Variants in TARS3 observed in about 807,000 individuals in gnomAD.
TARS3 encodes the protein threonine--tRNA ligase 2, cytoplasmic.
In TARS3, 94 loss-of-function variants were observed where a neutral mutation model predicts 103.5. That is an observed-to-expected ratio of 0.91 (90% confidence interval 0.77 to 1.08). The LOEUF (loss-of-function observed/expected upper bound fraction) is 1.08. Ranked by LOEUF, TARS3 falls within the 50% of genes least tolerant of loss-of-function variation. The pLI, the probability that TARS3 is intolerant of heterozygous loss-of-function variation, is 0.00. For missense variants in TARS3, 952 were observed against 995.2 expected, an observed-to-expected ratio of 0.96 and a Z score of 0.58; for synonymous variants, 416 against 355.4, an observed-to-expected ratio of 1.17 and a Z score of -1.92.
chr15:101,664,925 AAC>A (rs1419558878), intron 15 of TARS3, among the ~76,000 whole-genome samples: 2 of 146,916 alleles, frequency 1.4e-5, no homozygotes, highest in African/African-American at 4.9e-5. Flanking sequence ...AAACACGAAC[AAC>A]AGAGATTGTA....
chr15:101,715,094 G>A (rs1257944251), intron 3 of TARS3, 131 bp from the exon 4 acceptor site: 1 of 733,820 alleles, frequency 1.4e-6, no homozygotes, highest in Non-Finnish European at 2.0e-6. Flanking sequence ...TAATAGGACA[G>A]ATATTTCTTG....
At chr15:101,690,566 C>T (rs1305616124) in intron 10 of TARS3, among the ~76,000 whole-genome samples, 1 of 152,162 alleles carries the variant, frequency 6.6e-6, no homozygotes, top group Non-Finnish European at 1.5e-5. Context: ...ATACACTATA[C>T]ATTTACTCTG....
At chr15:101,695,807 AG>A (rs1375641190) in intron 10 of TARS3, 1 of 152,520 alleles carries the variant, frequency 6.6e-6, no homozygotes, top group Non-Finnish European at 1.5e-5. Flanking sequence ...TGGGAGGCTG[AG>A]GCAGGAGAAT....
At chr15:101,695,020 T>C (rs1026708585) in intron 10 of TARS3, among the ~76,000 whole-genome samples, 2 of 152,342 alleles carry the variant, frequency 1.3e-5, no homozygotes, top group South Asian at 2.1e-4. Flanking sequence ...AGTTGCATAA[T>C]AACATGAATG....
At chr15:101,675,392 A>T (rs1897979459) in intron 13 of TARS3, among the ~76,000 whole-genome samples, 1 of 152,236 alleles carries the variant, frequency 6.6e-6, no homozygotes, top group Non-Finnish European at 1.5e-5. Flanking sequence ...CCAGATATGA[A>T]CTTTAAGTGT....
intron 13 of TARS3, 103 bp from the exon 14 acceptor site, chr15:101,671,851 T>C: frequency 2.3e-6 from 2 of 888,290 alleles, no homozygotes; most frequent in Non-Finnish European, 3.5e-6. Context: ...TCTATGTTAG[T>C]TCAACATATA....
chr15:101,675,889 G>A, intron 12 of TARS3, 152 bp from the exon 13 acceptor site: 1 of 847,062 alleles, frequency 1.2e-6, no homozygotes, highest in Non-Finnish European at 1.8e-6. Flanking sequence ...ATCCTGAGCT[G>A]AACCTTCGTT....
At chr15:101,708,627 G>C (rs1302116902) in intron 6 of TARS3, among the ~76,000 whole-genome samples, 166 bp downstream of exon 6, 1 of 152,176 alleles carries the variant, frequency 6.6e-6, no homozygotes, top group East Asian at 1.9e-4. Flanking sequence ...GAAATAGATG[G>C]GGAGGGAAAT....
chr15:101,711,787 C>T (rs1350346151), intron 5 of TARS3, 93 bp downstream of exon 5: 13 of 1,440,324 alleles, frequency 9.0e-6, no homozygotes, highest in Non-Finnish European at 1.1e-5. Flanking sequence ...TATGTAAGGG[C>T]CAGCAGTATA....
intron 17 of TARS3, 147 bp from the exon 18 acceptor site, chr15:101,657,183 C>CG (rs1897224431): frequency 1.8e-6 from 1 of 554,032 alleles, no homozygotes; most frequent in African/African-American, 1.9e-5. Context: ...TAAAGAAGTG[C>CG]GGAAGTGTCG....
In TARS3 at chr15:101,687,276, A is replaced by G. The variant is rs56116381; in HGVS notation, c.1321-1214T>C. 8.4e-3 allele frequency among the ~76,000 whole-genome samples: 1,271 copies of G among 152,110 alleles called. 16 individuals carry two copies. The highest frequency in any genetic ancestry group is 0.029 in the African/African-American group (1,193 of 41,490). ...AAATTAGCCAGGCGTGGTGGCACAC[A>G]CCTGTAATCCCAGCTACTCAGGAGG... On this transcript the variant is annotated intron_variant, in intron 10 of 18. Coordinates refer to ENST00000335968, the MANE Select transcript of TARS3 (RefSeq NM_152334.3).
intron 16 of TARS3, among the ~76,000 whole-genome samples, chr15:101,659,734 T>C (rs574277328): frequency 2.1e-4 from 32 of 152,308 alleles, no homozygotes; most frequent in African/African-American, 6.5e-4. Flanking sequence ...AATATAAACA[T>C]GTTAACTCAT....
At chr15:101,657,537 A>G (rs941667226) in intron 17 of TARS3, among the ~76,000 whole-genome samples, 2 of 152,252 alleles carry the variant, frequency 1.3e-5, no homozygotes, top group Non-Finnish European at 2.9e-5. Flanking sequence ...CTTCCCTAAT[A>G]GAGCTGTGTA....
intron 10 of TARS3, among the ~76,000 whole-genome samples, chr15:101,698,620 G>C (rs1899100196): frequency 6.6e-6 from 1 of 152,146 alleles, no homozygotes; most frequent in Admixed American, 6.5e-5. Context: ...TATTCCTCAA[G>C]CACCATTTTA....
Position 101,671,364 on chromosome 15 carries a change from T to C in TARS3, c.1967+122A>G, listed in dbSNP as rs924428470. On this transcript the variant is annotated intron_variant, in intron 15 of 18. Transcript: ENST00000335968. ...TGGATTATGATCAGGTAAACAAATA[T>C]ATATTGCGTGTATAGCACATATACT... is the stretch of plus-strand genomic sequence containing the variant. 7.0e-6 allele frequency: 5 copies of C among 712,944 alleles called. 1 individual carries two copies. Among genetic ancestry groups the C allele is most frequent in the Non-Finnish European group, 9.2e-6 (4 of 433,086 alleles). 44.2% of individuals were successfully genotyped at this position (712,944 alleles called of 1,614,324 possible).
intron 10 of TARS3, chr15:101,699,222 A>T (rs947598504): frequency 1.4e-5 from 4 of 288,914 alleles, no homozygotes; most frequent in African/African-American, 9.0e-5. Flanking sequence ...TGGTAAGGCC[A>T]ATTCCTTCAG....
chr15:101,657,746 T>C, intron 17 of TARS3, 39 bp downstream of exon 17: 1 of 1,388,192 alleles, frequency 7.2e-7, no homozygotes, highest in Non-Finnish European at 1.0e-6. Flanking sequence ...ACAGAATACA[T>C]GCAAGATTAT....
rs376954980 is a variant in TARS3 at position 101,657,793 on chromosome 15, C to T, written c.2137G>A (p.Ala713Thr). Reference sequence around the variant, plus strand: ...AACACCTCTGATTTTACCTGAAGTGCATATTTTTCACAAGTTGGCCCCACA... The same window carrying T: ...AACACCTCTGATTTTACCTGAAGTGTATATTTTTCACAAGTTGGCCCCACA... ...IPVGPTCEKY[A>T]LQVSSEFFEE... Residue 713 changes from alanine to threonine, a missense_variant, in exon 17 of 19, where the codon GCA becomes ACA. Physicochemically the swap from Ala to Thr is moderately conservative, Grantham distance 58. Coordinates refer to ENST00000335968, the MANE Select transcript of TARS3 (RefSeq NM_152334.3). 5 of 1,607,304 alleles carry T rather than the reference C, an allele frequency of 3.1e-6. No homozygotes were observed. The highest frequency in any genetic ancestry group is 4.3e-6 in the Non-Finnish European group (5 of 1,175,938).
intron 10 of TARS3, among the ~76,000 whole-genome samples, chr15:101,698,186 G>C (rs1899075818): frequency 1.3e-5 from 2 of 152,016 alleles, no homozygotes; most frequent in South Asian, 4.2e-4. Flanking sequence ...AATACAAAAA[G>C]CCTGGCATGG....
Sources: gnomAD v4.1 joint callset for allele counts (sites outside exome capture counted in the v4.1 genomes callset) on GRCh38, gnomAD v4.1.1 for gene constraint, MANE v1.5 for transcripts, NCBI Gene and HGNC (gene_info 2026-07-23, HGNC 2026-07-21) for gene names.